The following RGS8 variants were observed in gnomAD, a reference collection of about 807,000 sequenced individuals.
RGS8 encodes regulator of G protein signaling 8, also known as regulator of G-protein signaling 8.
RGS8 carries 8 observed loss-of-function variants against 21.7 expected under a neutral mutation model. The observed-to-expected ratio is 0.37, with a 90% CI of 0.22 to 0.66. The LOEUF (loss-of-function observed/expected upper bound fraction) is 0.66, where lower values mean the gene tolerates loss of function less well. RGS8 is among the 30% of genes least tolerant of loss of function. The pLI is 0.59. For missense variants in RGS8, 157 were observed against 217.9 expected (o/e 0.72, Z 1.76); for synonymous variants, 80 against 83.6 (o/e 0.96, Z 0.24).
the RGS8 span, among the ~76,000 whole-genome samples, chr1:182,723,951 G>A: frequency 6.6e-6 from 1 of 152,012 alleles, no homozygotes; most frequent in African/African-American, 2.4e-5. Context: ...GTTCAGAGCA[G>A]CTCCAAGACT....
the RGS8 span, among the ~76,000 whole-genome samples, chr1:182,701,853 A>T: frequency 6.6e-6 from 1 of 152,232 alleles, no homozygotes; most frequent in African/African-American, 2.4e-5. Flanking sequence ...ATCACTAATC[A>T]TCAGAGAAAT....
chr1:182,749,656 C>T, the RGS8 span, among the ~76,000 whole-genome samples: 1 of 152,146 alleles, frequency 6.6e-6, no homozygotes. Flanking sequence ...AAACAGATTG[C>T]ATTAAATCTT....
chr1:182,726,577 G>C, the RGS8 span, among the ~76,000 whole-genome samples: 5 of 152,168 alleles, frequency 3.3e-5, 1 homozygote, highest in African/African-American at 1.2e-4. Context: ...GTCAGAGGCA[G>C]GAGAATCGCT....
At chr1:182,676,616 A>G (rs77749202), upstream of RGS8, among the ~76,000 whole-genome samples, 15 of 152,356 alleles carry the variant, frequency 9.8e-5, no homozygotes, top group East Asian at 2.9e-3. Flanking sequence ...CCTGTTCATC[A>G]GTTCAAGCAT....
At chr1:182,686,303 T>A (rs1311978489), upstream of RGS8, among the ~76,000 whole-genome samples, 1 of 152,044 alleles carries the variant, frequency 6.6e-6, no homozygotes, top group African/African-American at 2.4e-5. Flanking sequence ...AACAAAGAAG[T>A]GTTGATCGAA....
chr1:182,643,333 C>CCCACCCCCG (rs1553214947), downstream of RGS8: 14 of 126,356 alleles, frequency 1.1e-4, no homozygotes, highest in Non-Finnish European at 2.0e-4. Context: ...GCCCCCCCGC[C>CCCACCCCCG]CCCGCGCTGT....
At chr1:182,737,158 G>T in the RGS8 span, among the ~76,000 whole-genome samples, 2 of 151,860 alleles carry the variant, frequency 1.3e-5, no homozygotes, top group African/African-American at 4.8e-5. Flanking sequence ...TCTGTTGGTG[G>T]CATTGCATTC....
At chr1:182,701,665 G>T in the RGS8 span, among the ~76,000 whole-genome samples, 1 of 152,158 alleles carries the variant, frequency 6.6e-6, no homozygotes, top group African/African-American at 2.4e-5. Context: ...AAAACTGAAT[G>T]CTATTCAGGA....
At chr1:182,711,226 A>C in the RGS8 span, among the ~76,000 whole-genome samples, 2 of 152,186 alleles carry the variant, frequency 1.3e-5, no homozygotes, top group Non-Finnish European at 2.9e-5. Flanking sequence ...GGAACACTTG[A>C]AAACACTACT....
At chr1:182,654,983 C>T (rs1199626170) in intron 5 of RGS8, among the ~76,000 whole-genome samples, 1 of 152,108 alleles carries the variant, frequency 6.6e-6, no homozygotes, top group East Asian at 1.9e-4. Flanking sequence ...AAAGTAACAT[C>T]AGCAAGCATT....
intron 5 of RGS8, among the ~76,000 whole-genome samples, chr1:182,657,306 C>G: frequency 6.6e-6 from 1 of 152,132 alleles, no homozygotes; most frequent in East Asian, 1.9e-4. Flanking sequence ...CTCCTGTTCT[C>G]TTTCCTTTTT....
At chr1:182,740,633 T>C in the RGS8 span, among the ~76,000 whole-genome samples, 14 of 132,128 alleles carry the variant, frequency 1.1e-4, no homozygotes, top group African/African-American at 4.1e-4. Flanking sequence ...AGGACAATAG[T>C]GGAGGGAAGG....
intron 6 of RGS8, among the ~76,000 whole-genome samples, chr1:182,647,568 T>A (rs1043567226): frequency 6.6e-6 from 1 of 152,248 alleles, no homozygotes; most frequent in African/African-American, 2.4e-5. Flanking sequence ...ACAACAGCAG[T>A]ATAATAGAAA....
At chr1:182,658,149 C>A (rs1006748655) in intron 5 of RGS8, among the ~76,000 whole-genome samples, 3 of 152,212 alleles carry the variant, frequency 2.0e-5, no homozygotes, top group Admixed American at 2.0e-4. Context: ...ACCTGAGCAT[C>A]CACAGAATCT....
chr1:182,678,419 C>T lies in RGS8; in HGVS notation n.222-5487G>A, dbSNP rs971425766. On this transcript the variant is annotated intron_variant and non_coding_transcript_variant, in intron 1 of 4. Transcript: ENST00000515211. Reference sequence around the variant, plus strand: ...AAGTTTTTCTCCCCTTGAATAAATCCATTTTAAGAAAAGTCTATTATTTTA... The same window carrying T: ...AAGTTTTTCTCCCCTTGAATAAATCTATTTTAAGAAAAGTCTATTATTTTA... Among the ~76,000 whole-genome samples, 3 of 152,168 alleles carry T rather than the reference C, an allele frequency of 2.0e-5. No homozygotes were observed. In the South Asian group the frequency reaches 6.2e-4, roughly 32 times the overall value.
chr1:182,671,127 C>T (rs2102444687), intron 2 of RGS8, among the ~76,000 whole-genome samples: 1 of 152,314 alleles, frequency 6.6e-6, no homozygotes, highest in East Asian at 1.9e-4. Context: ...CCACTGCCAG[C>T]CCACACTGGC....
the RGS8 span, among the ~76,000 whole-genome samples, chr1:182,740,299 A>G: frequency 1.3e-5 from 2 of 152,228 alleles, no homozygotes; most frequent in South Asian, 4.1e-4. Flanking sequence ...GCTACCAGAG[A>G]GTGGGGCATA....
intron 5 of RGS8, among the ~76,000 whole-genome samples, chr1:182,665,216 C>T (rs1441575919): frequency 6.6e-6 from 1 of 152,208 alleles, no homozygotes; most frequent in Non-Finnish European, 1.5e-5. Flanking sequence ...CTCAACCCTG[C>T]TCTGCCTTGC....
upstream of RGS8, among the ~76,000 whole-genome samples, chr1:182,685,438 G>A (rs756765403): frequency 2.0e-5 from 3 of 152,296 alleles, no homozygotes; most frequent in Non-Finnish European, 2.9e-5. Context: ...TGCGCAGGGC[G>A]GAGCTTACAG....
Sources: allele counts gnomAD v4.1 joint callset (sites outside exome capture counted in the v4.1 genomes callset), GRCh38; gene constraint gnomAD v4.1.1; transcripts MANE v1.5; gene names NCBI Gene and HGNC (gene_info 2026-07-23, HGNC 2026-07-21).